IGF2R: variants seen among roughly 807,000 people sequenced by gnomAD.
IGF2R encodes insulin like growth factor 2 receptor.
In IGF2R, 91 loss-of-function variants were observed where a neutral mutation model predicts 270.6. That is an observed-to-expected ratio of 0.34 (90% CI 0.28 to 0.40). IGF2R has a LOEUF of 0.40. Among genes scored for constraint, IGF2R ranks in the 10% least tolerant of loss-of-function variants. The pLI is 1.00. For missense variants in IGF2R, 2,805 were observed against 3,188.3 expected (o/e 0.88, Z 2.90); for synonymous variants, 1,316 against 1,258.9 (o/e 1.05, Z -0.96).
At chr6:160,089,074 A>G (rs1583301470) in intron 42 of IGF2R, 33 bp from the exon 43 acceptor site, 1 of 1,598,572 alleles carries the variant, frequency 6.3e-7, no homozygotes, top group East Asian at 2.2e-5. Flanking sequence ...CTGGCTGGGG[A>G]AGTGACTGTA....
In IGF2R at chr6:160,050,921, C is replaced by G. The variant is rs575087818; in HGVS notation, c.2694+269C>G. On this transcript the variant is annotated intron_variant, in intron 19 of 47. Transcript: ENST00000356956. This position sits in a 1 kb window ranked among gnomAD's most constrained non-coding sequence, Gnocchi z 4.0. The stretch of plus-strand genomic sequence containing the variant: ...ATACACTGTTTCCTGGATTTTTTTT[C>G]TGAGTCGTACAGACATTATCTTGCC... Among the ~76,000 whole-genome samples, 1 of 152,066 alleles carries G rather than the reference C, an allele frequency of 6.6e-6. No homozygotes were observed. Among genetic ancestry groups the G allele is most frequent in the Admixed American group, 6.5e-5 (1 of 15,292 alleles).
chr6:160,070,176 A>G, intron 31 of IGF2R, 118 bp downstream of exon 31: 1 of 975,124 alleles, frequency 1.0e-6, no homozygotes, highest in Non-Finnish European at 1.6e-6. Flanking sequence ...GCCTGGGATG[A>G]TGCGCCCTTA....
chr6:159,970,097 G>T (rs941769222), intron 1 of IGF2R, among the ~76,000 whole-genome samples: 1 of 152,088 alleles, frequency 6.6e-6, no homozygotes, highest in Non-Finnish European at 1.5e-5. Flanking sequence ...TGTCTCCGGG[G>T]CGGATTATTC....
chr6:160,065,814 G>GTGTGTATGTATATATATATATATA, intron 29 of IGF2R, among the ~76,000 whole-genome samples: 10 of 78,386 alleles, frequency 1.3e-4, no homozygotes, highest in Middle Eastern at 6.2e-3. Flanking sequence ...GTGTGTGTGT[G>GTGTGTATGTATATATATATATATA]TATATATATA....
At chr6:160,080,489 G>A (rs139800357) in intron 39 of IGF2R, among the ~76,000 whole-genome samples, 48 of 152,314 alleles carry the variant, frequency 3.2e-4, no homozygotes, top group South Asian at 1.0e-3. Flanking sequence ...TAGAGCTGCC[G>A]TGAGATGCTG....
At chr6:159,983,248 T>C (rs1433410169) in intron 1 of IGF2R, among the ~76,000 whole-genome samples, 2 of 152,210 alleles carry the variant, frequency 1.3e-5, no homozygotes, top group African/African-American at 4.8e-5. Context: ...TTGCGGCCCT[T>C]GCTGGAACAG....
chr6:160,047,640 T>C lies in IGF2R; in HGVS notation c.2230-152T>C, dbSNP rs8191802. ...CATCCTGATTTGTTACTGGACAGTC[T>C]TCTTTTTAATAAAATGAAGGGAGAT... On this transcript the variant is annotated intron_variant, in intron 16 of 47. Transcript: ENST00000356956. The C allele has an allele frequency of 2.8e-4, 181 of 638,264 alleles. 1 individual carries two copies. In the Middle Eastern group the frequency reaches 3.0e-3, roughly 11 times the overall value. 39.5% of individuals were successfully genotyped at this position (638,264 alleles called of 1,614,324 possible). A position where few individuals can be genotyped will look rare whatever the true frequency, so the allele number is the denominator to read the frequency against.
chr6:160,082,573 G>T (rs1779007832), intron 39 of IGF2R, among the ~76,000 whole-genome samples: 1 of 152,112 alleles, frequency 6.6e-6, no homozygotes, highest in South Asian at 2.1e-4. Flanking sequence ...GCCTCCCAGA[G>T]TGCTGGGATT....
chr6:160,011,234 A>G (rs1277018948), intron 4 of IGF2R, among the ~76,000 whole-genome samples: 1 of 152,024 alleles, frequency 6.6e-6, no homozygotes, highest in Admixed American at 6.6e-5. Flanking sequence ...GCATTGTTAA[A>G]TCTCTCTGTC....
chr6:160,096,127 T>C (rs1019515413), intron 44 of IGF2R: 2 of 224,104 alleles, frequency 8.9e-6, no homozygotes, highest in African/African-American at 4.5e-5. Context: ...TTCTTTTGGC[T>C]GTACAGCAGA....
intron 44 of IGF2R, chr6:160,095,103 T>G (rs561995918): frequency 6.6e-6 from 1 of 152,318 alleles, no homozygotes; most frequent in Non-Finnish European, 1.5e-5. Flanking sequence ...TCACTCTACC[T>G]CTGGCCTCTG....
At chr6:159,990,011 G>C (rs1048852633) in intron 1 of IGF2R, among the ~76,000 whole-genome samples, 1 of 152,160 alleles carries the variant, frequency 6.6e-6, no homozygotes, top group Non-Finnish European at 1.5e-5. Context: ...GTGTGATTTC[G>C]AATCTGATAG....
intron 1 of IGF2R, among the ~76,000 whole-genome samples, chr6:159,975,438 G>T (rs1026457702): frequency 6.6e-6 from 1 of 151,974 alleles, no homozygotes; most frequent in African/African-American, 2.4e-5. Context: ...AGCTTCAGGA[G>T]GTCAGCATTT....
intron 4 of IGF2R, among the ~76,000 whole-genome samples, chr6:160,012,745 T>TTATATGTATATATATA (rs1784353849): frequency 9.5e-6 from 1 of 105,310 alleles, no homozygotes; most frequent in Non-Finnish European, 2.0e-5. Context: ...CCCGGCTAAT[T>TTATATGTATATATATA]TATATATATA....
intron 2 of IGF2R, among the ~76,000 whole-genome samples, chr6:159,997,528 T>G (rs1344751357): frequency 6.6e-6 from 1 of 151,966 alleles, no homozygotes; most frequent in Admixed American, 6.6e-5. Flanking sequence ...GCAGAAAAGC[T>G]CTCCCACAGT....
Position 160,032,611 on chromosome 6 carries a change from G to C in IGF2R, c.943G>C (p.Glu315Gln). 3 of 1,614,164 alleles carry C rather than the reference G, an allele frequency of 1.9e-6. No individual in the cohort carries two copies. The highest frequency in any genetic ancestry group is 2.5e-6 in the Non-Finnish European group (3 of 1,180,012). Residue 315 changes from glutamate (E) to glutamine (Q), a missense_variant, in exon 8 of 48, where the codon GAG becomes CAG. This residue lies in a region of IGF2R where 954 missense variants were observed against 981.1 expected (regional missense o/e 0.97). Transcript: ENST00000356956. ...CCGCTATGAAATTGAGTGGATTACT[G>C]AGTATGCCTGCCACAGAGATTACCT... Reference protein sequence around the residue: ...NCRYEIEWITEYACHRDYLES... With the variant: ...NCRYEIEWITQYACHRDYLES...
chr6:160,108,656 T>C lies in IGF2R; in HGVS notation c.*3572T>C, dbSNP rs933864051. 5 of 151,812 alleles carry C rather than the reference T, an allele frequency of 3.3e-5. No homozygotes were observed. Among genetic ancestry groups the C allele is most frequent in the Non-Finnish European group, 7.3e-5 (5 of 68,072 alleles). The allele number at this position is 151,812 out of a possible 1,614,324, so 9.4% of individuals were successfully genotyped here. ...TCCTTTCCTTCCTTTTTCCTCTTTC[T>C]TTCTTTCCTTTTCTCTCTCTCTCTT... On this transcript the variant is annotated 3_prime_UTR_variant, in exon 48 of 48. Coordinates refer to ENST00000356956, the MANE Select transcript of IGF2R (RefSeq NM_000876.4).
chr6:160,079,312 C>A (rs112849115), intron 37 of IGF2R, among the ~76,000 whole-genome samples: 1 of 152,208 alleles, frequency 6.6e-6, no homozygotes, highest in Non-Finnish European at 1.5e-5. Flanking sequence ...TGACTGGAGA[C>A]GACAGCCAGA....
chr6:159,975,701 T>TATATATAA (rs1554234055), intron 1 of IGF2R, among the ~76,000 whole-genome samples: 71 of 146,644 alleles, frequency 4.8e-4, no homozygotes, highest in African/African-American at 1.7e-3. Context: ...TATATATATA[T>TATATATAA]AAAGTATATG....
Sources: allele counts gnomAD v4.1 joint callset (sites outside exome capture counted in the v4.1 genomes callset), GRCh38; gene constraint gnomAD v4.1.1; regional missense constraint gnomAD v4.1.1; non-coding constraint Gnocchi (gnomAD v3.1); transcripts MANE v1.5; gene names NCBI Gene and HGNC (gene_info 2026-07-23, HGNC 2026-07-21).